The following DIP2C variants were observed in gnomAD, a reference collection of about 807,000 sequenced individuals.
DIP2C encodes disco-interacting protein 2 homolog C.
A neutral mutation model predicts 192.4 loss-of-function variants in DIP2C; 33 were observed. That is an observed-to-expected ratio of 0.17 (90% CI 0.13 to 0.23). DIP2C has a LOEUF of 0.23. Ranked by LOEUF, DIP2C falls within the 10% of genes least tolerant of loss-of-function variation. The pLI is 1.00. For missense variants in DIP2C, 1,537 were observed against 2,110.1 expected (o/e 0.73, Z 5.32); for synonymous variants, 979 against 864.1 (o/e 1.13, Z -2.33).
At chr10:376,782 T>C (rs1961652183) in intron 17 of DIP2C, among the ~76,000 whole-genome samples, 2 of 152,104 alleles carry the variant, frequency 1.3e-5, no homozygotes. Flanking sequence ...CTGGTAAAAA[T>C]GCCCTTTAAA....
At chr10:356,655 T>C (rs1256062228) in intron 23 of DIP2C, 149 bp from the exon 24 acceptor site, 4 of 624,288 alleles carry the variant, frequency 6.4e-6, no homozygotes, top group African/African-American at 3.7e-5. Context: ...GTTGAAGACA[T>C]GCATGCTGGG....
At chr10:337,925 GTA>G (rs200565169) in intron 29 of DIP2C, among the ~76,000 whole-genome samples, 1 of 149,880 alleles carries the variant, frequency 6.7e-6, no homozygotes, top group African/African-American at 2.5e-5. Context: ...AGGCTGATGT[GTA>G]TGTGTGTGCT....
At chr10:478,541 G>C (rs1392825115) in intron 2 of DIP2C, among the ~76,000 whole-genome samples, 2 of 151,534 alleles carry the variant, frequency 1.3e-5, no homozygotes, top group South Asian at 4.2e-4. Flanking sequence ...GGCATGCTGG[G>C]GGTGTAGACA....
intron 32 of DIP2C, among the ~76,000 whole-genome samples, chr10:308,672 G>A (rs897670376): frequency 6.6e-6 from 1 of 152,228 alleles, no homozygotes; most frequent in Non-Finnish European, 1.5e-5. Flanking sequence ...GGTGGCCTTG[G>A]GGGCAGGCGT....
intron 1 of DIP2C, among the ~76,000 whole-genome samples, chr10:518,384 G>A (rs1846497250): frequency 6.6e-6 from 1 of 152,254 alleles, no homozygotes; most frequent in African/African-American, 2.4e-5. Flanking sequence ...TGGCCCTGAT[G>A]TGTACGCACT....
chr10:568,490 G>T lies in DIP2C; in HGVS notation c.86-81960C>A, dbSNP rs372960138. 4.6e-5 allele frequency among the ~76,000 whole-genome samples: 7 copies of T among 152,044 alleles called. No homozygotes were observed. In the East Asian group the frequency reaches 1.2e-3, roughly 25 times the overall value. Reference sequence around the variant, plus strand: ...TTCGGAAAAAACTTCACTTGAGGCCGGGCGCGGTGGCTCACGCCTGTAATC... The same window carrying T: ...TTCGGAAAAAACTTCACTTGAGGCCTGGCGCGGTGGCTCACGCCTGTAATC... On this transcript the variant is annotated intron_variant, in intron 1 of 36. Transcript: ENST00000280886.
intron 5 of DIP2C, among the ~76,000 whole-genome samples, chr10:421,403 C>CA (rs1473080105): frequency 2.7e-4 from 41 of 152,298 alleles, no homozygotes; most frequent in African/African-American, 9.9e-4. Context: ...TCCGAGGATA[C>CA]AAATGCTTCC....
chr10:332,261 AATACAC>A (rs1214147793), intron 29 of DIP2C, among the ~76,000 whole-genome samples: 1 of 152,164 alleles, frequency 6.6e-6, no homozygotes, highest in Non-Finnish European at 1.5e-5. Flanking sequence ...CTTCCTCAAA[AATACAC>A]ATCAGCATTA....
intron 4 of DIP2C, among the ~76,000 whole-genome samples, chr10:434,182 G>A (rs183161892): frequency 1.4e-3 from 219 of 152,284 alleles, no homozygotes; most frequent in African/African-American, 5.1e-3. Context: ...ATATACATAA[G>A]CATATAATCA....
intron 31 of DIP2C, among the ~76,000 whole-genome samples, chr10:321,002 T>C (rs1956980866): frequency 9.0e-6 from 1 of 110,816 alleles, no homozygotes; most frequent in African/African-American, 4.3e-5. Context: ...CCGAGCACAG[T>C]GTCCGGGTTA....
chr10:432,082 CAATTT>C (rs1396917488), intron 4 of DIP2C, among the ~76,000 whole-genome samples: 1 of 151,540 alleles, frequency 6.6e-6, no homozygotes, highest in Non-Finnish European at 1.5e-5. Flanking sequence ...TTTTGGTGCA[CAATTT>C]TTTTTTTTTA....
chr10:320,099 T>C (rs530607813), intron 31 of DIP2C, among the ~76,000 whole-genome samples: 1 of 152,362 alleles, frequency 6.6e-6, no homozygotes, highest in Admixed American at 6.5e-5. Flanking sequence ...AGATGGCATA[T>C]GAGCTTTTAG....
intron 25 of DIP2C, 97 bp downstream of exon 25, chr10:349,234 G>A (rs956430020): frequency 8.0e-6 from 12 of 1,500,662 alleles, no homozygotes; most frequent in East Asian, 2.3e-5. Flanking sequence ...GCCATGACGC[G>A]ACCCTCGGCT....
chr10:571,562 A>G lies in DIP2C; in HGVS notation c.86-85032T>C, dbSNP rs1849815899. Among the ~76,000 whole-genome samples, 5 of 144,238 alleles carry G rather than the reference A, an allele frequency of 3.5e-5. No individual in the cohort carries two copies. The Admixed American group carries it at 3.6e-4, about 10-fold the overall frequency. 94.6% of individuals were successfully genotyped at this position (144,238 alleles called of 152,430 possible). A position where few individuals can be genotyped will look rare whatever the true frequency, so the allele number is the denominator to read the frequency against. On this transcript the variant is annotated intron_variant, in intron 1 of 36. Transcript: ENST00000280886. ...TCTCCTTTCAGCCCTCACCTTCCTC[A>G]CTGCACTTCCCCATCCAACTCAGCT...
At chr10:570,575 C>T (rs1588483418) in intron 1 of DIP2C, among the ~76,000 whole-genome samples, 2 of 152,222 alleles carry the variant, frequency 1.3e-5, no homozygotes, top group Non-Finnish European at 2.9e-5. Flanking sequence ...GCACCCAACA[C>T]TACTTCAGCC....
intron 1 of DIP2C, among the ~76,000 whole-genome samples, chr10:515,678 C>T (rs187730732): frequency 3.9e-5 from 6 of 152,058 alleles, no homozygotes; most frequent in Admixed American, 6.5e-5. Flanking sequence ...GAGCCAAGAT[C>T]GCATCACTGC....
At chr10:578,524 C>T (rs7921637) in intron 1 of DIP2C, among the ~76,000 whole-genome samples, 2 of 152,214 alleles carry the variant, frequency 1.3e-5, no homozygotes, top group Non-Finnish European at 2.9e-5. Context: ...GGAACACACA[C>T]ATCAAGGAAG....
chr10:579,917 TG>T (rs1724715415), intron 1 of DIP2C, among the ~76,000 whole-genome samples: 1 of 152,048 alleles, frequency 6.6e-6, no homozygotes, highest in Non-Finnish European at 1.5e-5. Flanking sequence ...ATGCATACAA[TG>T]TACATATAGG....
intron 16 of DIP2C, among the ~76,000 whole-genome samples, chr10:383,197 T>C (rs527908737): frequency 1.8e-4 from 27 of 152,376 alleles, no homozygotes; most frequent in Non-Finnish European, 2.9e-4. Flanking sequence ...AGATGTATTG[T>C]TTTGTACTTA....
Sources: allele counts gnomAD v4.1 joint callset (sites outside exome capture counted in the v4.1 genomes callset), GRCh38; gene constraint gnomAD v4.1.1; transcripts MANE v1.5; gene names NCBI Gene and HGNC (gene_info 2026-07-23, HGNC 2026-07-21).